The following SLC38A1 variants were observed in gnomAD, a reference collection of about 807,000 sequenced individuals.
The protein encoded by SLC38A1 is sodium-coupled neutral amino acid symporter 1.
Under a neutral mutation model 60.3 loss-of-function variants are expected in SLC38A1, and 18 were observed. That is an observed-to-expected ratio of 0.30 (90% CI 0.21 to 0.44). SLC38A1 has a LOEUF of 0.44. Among genes scored for constraint, SLC38A1 ranks in the 20% least tolerant of loss-of-function variants. The probability of loss-of-function intolerance (pLI) is 1.00; values close to 1 mark genes in which losing one functional copy is unlikely to be tolerated. For missense variants in SLC38A1, 448 were observed against 587.2 expected (o/e 0.76, Z 2.45); for synonymous variants, 196 against 212.1 (o/e 0.92, Z 0.66).
chr12:46,201,874 C>T (rs992250613), intron 12 of SLC38A1, among the ~76,000 whole-genome samples: 1 of 148,818 alleles, frequency 6.7e-6, no homozygotes, highest in African/African-American at 2.5e-5. Context: ...ATCTAGGATG[C>T]CATAGAAGTA....
chr12:46,236,777 A>G (rs548322452), intron 3 of SLC38A1, among the ~76,000 whole-genome samples: 6 of 152,360 alleles, frequency 3.9e-5, no homozygotes, highest in Non-Finnish European at 8.8e-5. Flanking sequence ...ATGGATCAGC[A>G]GTTATGGGCG....
chr12:46,247,653 G>A (rs1941668013), intron 1 of SLC38A1, among the ~76,000 whole-genome samples: 1 of 152,138 alleles, frequency 6.6e-6, no homozygotes, highest in South Asian at 2.1e-4. Flanking sequence ...TAGCATGGCA[G>A]GCCAACACTC....
chr12:46,258,802 T>C (rs543126910), intron 1 of SLC38A1, among the ~76,000 whole-genome samples: 1 of 152,316 alleles, frequency 6.6e-6, no homozygotes, highest in Admixed American at 6.5e-5. Context: ...TACAGGCACA[T>C]GCCACCATGC....
chr12:46,190,317 T>A (rs1257557649), intron 16 of SLC38A1, among the ~76,000 whole-genome samples: 1 of 152,216 alleles, frequency 6.6e-6, no homozygotes, highest in Non-Finnish European at 1.5e-5. Flanking sequence ...ATGTGCCACA[T>A]TTTCTTAATC....
At chr12:46,253,274 A>G (rs1353237778) in intron 1 of SLC38A1, among the ~76,000 whole-genome samples, 1 of 152,260 alleles carries the variant, frequency 6.6e-6, no homozygotes, top group African/African-American at 2.4e-5. Flanking sequence ...GAAAGAATTC[A>G]GGGCAAGCCC....
chr12:46,230,957 A>G (rs563954138), intron 3 of SLC38A1, among the ~76,000 whole-genome samples: 2 of 152,226 alleles, frequency 1.3e-5, no homozygotes, highest in Non-Finnish European at 2.9e-5. Context: ...GTATCTACCC[A>G]AAGGAAAGGA....
chr12:46,242,779 G>C (rs556244400), intron 2 of SLC38A1, among the ~76,000 whole-genome samples: 1 of 152,124 alleles, frequency 6.6e-6, no homozygotes, highest in African/African-American at 2.4e-5. Flanking sequence ...TCCAACCTGG[G>C]CAACAGAGTG....
chr12:46,256,487 C>G (rs1942026371), intron 1 of SLC38A1, among the ~76,000 whole-genome samples: 1 of 152,104 alleles, frequency 6.6e-6, no homozygotes. Context: ...GGGAATTCAA[C>G]CCCGAACCCG....
chr12:46,183,176 C>T lies in SLC38A1; in HGVS notation c.*5794G>A, dbSNP rs917692141. 1 of 151,968 alleles carries T rather than the reference C, an allele frequency of 6.6e-6. No homozygotes were observed. The highest frequency in any genetic ancestry group is 2.4e-5 in the African/African-American group (1 of 41,308). The allele number at this position is 151,968 out of a possible 1,614,324, so 9.4% of individuals were successfully genotyped here. On this transcript the variant is annotated 3_prime_UTR_variant, in exon 17 of 17. Coordinates refer to ENST00000398637, the MANE Select transcript of SLC38A1 (RefSeq NM_030674.4). ...ACACTCTGAAAAAAAAAACCCAGTT[C>T]TATTTGATTAACTATGAATAGCAAA... is the stretch of plus-strand genomic sequence containing the variant.
chr12:46,245,468 T>C (rs928688675), intron 1 of SLC38A1, among the ~76,000 whole-genome samples: 1 of 152,144 alleles, frequency 6.6e-6, no homozygotes, highest in Admixed American at 6.5e-5. Flanking sequence ...ATAACAAGTG[T>C]TGGCAAGGGT....
At chr12:46,245,415 T>C (rs1346577372) in intron 1 of SLC38A1, among the ~76,000 whole-genome samples, 1 of 152,198 alleles carries the variant, frequency 6.6e-6, no homozygotes. Context: ...CAATGAGCTA[T>C]CACCTCACAG....
At chr12:46,253,906 T>G (rs1008957228) in intron 1 of SLC38A1, among the ~76,000 whole-genome samples, 1 of 152,132 alleles carries the variant, frequency 6.6e-6, no homozygotes, top group Non-Finnish European at 1.5e-5. Context: ...AGAGACGCGC[T>G]CAGTCAGAAA....
chr12:46,203,069 G>A lies in SLC38A1; in HGVS notation c.843C>T (p.Thr281=). The A allele has an allele frequency of 6.2e-7, 1 of 1,613,860 alleles. No homozygotes were observed. ...FNSKTVYALP[T]IAFAFVCHPS... is the part of the protein sequence containing the mutation. ...GGTGGCAAACAAATGCAAATGCAAT[G>A]GTGGGTAAAGCATACACGGTCTATT... The change falls in exon 12 of 17, where the codon ACC becomes ACT. Residue 281 remains threonine, a synonymous_variant. Coordinates refer to ENST00000398637, the MANE Select transcript of SLC38A1 (RefSeq NM_030674.4).
intron 1 of SLC38A1, among the ~76,000 whole-genome samples, chr12:46,256,039 C>A (rs766971523): frequency 6.6e-6 from 1 of 151,678 alleles, no homozygotes; most frequent in Admixed American, 6.6e-5. Flanking sequence ...TGGTGGCAGG[C>A]GCCTGTAGTC....
intron 5 of SLC38A1, among the ~76,000 whole-genome samples, chr12:46,214,110 G>A (rs1030010137): frequency 1.1e-4 from 17 of 152,150 alleles, no homozygotes; most frequent in African/African-American, 4.1e-4. Context: ...ACATAAACAA[G>A]CTGTTTAATA....
At chr12:46,239,457 T>C (rs746439580) in intron 3 of SLC38A1, 124 of 334,660 alleles carry the variant, frequency 3.7e-4, no homozygotes, top group Admixed American at 6.6e-4. Flanking sequence ...CCCAAGTAGC[T>C]GGGACTACAG....
At chr12:46,207,294 A>G in intron 7 of SLC38A1, 58 bp from the exon 8 acceptor site, 1 of 1,461,194 alleles carries the variant, frequency 6.8e-7, no homozygotes, top group South Asian at 1.2e-5. Context: ...GTTGCAAGCT[A>G]CATAAAAAGT....
chr12:46,255,194 G>GAA (rs1241252742), intron 1 of SLC38A1, among the ~76,000 whole-genome samples: 2 of 152,098 alleles, frequency 1.3e-5, no homozygotes, highest in East Asian at 3.9e-4. Context: ...ATTAAAACAA[G>GAA]AAAACGATTG....
At position 46,234,449 on chromosome 12, in the gene SLC38A1, T is replaced by TC. The variant is rs1364823500; in HGVS notation, c.123-4811_123-4810insG. 3.3e-3 allele frequency among the ~76,000 whole-genome samples: 487 copies of TC among 148,178 alleles called. 6 individuals are homozygous for TC. In the East Asian group the frequency reaches 0.054, roughly 16 times the overall value. On this transcript the variant is annotated intron_variant, in intron 3 of 16. Coordinates refer to ENST00000398637, the MANE Select transcript of SLC38A1 (RefSeq NM_030674.4). ...GTATTTCTTTTTTTCTTTCTTTCTT[T>TC]TTTTTTTTTTTTTGTTGAGACGGAG... is the stretch of plus-strand genomic sequence containing the variant.
Sources: allele counts gnomAD v4.1 joint callset (sites outside exome capture counted in the v4.1 genomes callset), GRCh38; gene constraint gnomAD v4.1.1; transcripts MANE v1.5; gene names NCBI Gene and HGNC (gene_info 2026-07-23, HGNC 2026-07-21).